Variants in RIMBP2 observed in about 807,000 individuals in gnomAD.
RIMBP2 encodes RIMS binding protein 2.
RIMBP2 carries 48 observed loss-of-function variants against 118.6 expected under a neutral mutation model. The ratio of observed to expected loss-of-function variants is 0.40; its 90% CI spans 0.32 to 0.51. RIMBP2 has a LOEUF of 0.51. Ranked by LOEUF, RIMBP2 falls within the 20% of genes least tolerant of loss-of-function variation. The pLI, the probability that RIMBP2 is intolerant of heterozygous loss-of-function variation, is 0.41. For missense variants in RIMBP2, 1,551 were observed against 1,768.3 expected (o/e 0.88, Z 2.20); for synonymous variants, 762 against 742.9 (o/e 1.03, Z -0.42).
rs55814306 is a variant in RIMBP2 at position 130,703,650 on chromosome 12, C to T, written c.-352+12572G>A. ...GGGGCCACCGCCTAACCCTGATTAG[C>T]GCTCTACATCACCCACCGCTCAGCC... On this transcript the variant is annotated intron_variant, in intron 1 of 22. Transcript: ENST00000690449. The surrounding 1 kb of genome is among the most constrained non-coding windows in gnomAD (Gnocchi z 5.7). 5.1e-4 allele frequency among the ~76,000 whole-genome samples: 77 copies of T among 152,308 alleles called. No homozygotes were observed. Among genetic ancestry groups the T allele is most frequent in the African/African-American group, 1.8e-3 (74 of 41,566 alleles).
rs1338587359 is a variant in RIMBP2 at position 130,450,320 on chromosome 12, T to A, written c.505-44A>T. On this transcript the variant is annotated intron_variant, in intron 8 of 22. Transcript: ENST00000690449. The surrounding 1 kb of genome is among the most constrained non-coding windows in gnomAD (Gnocchi z 4.8). ...GTGTGTGGGTTATTGAAGCTGGAGG[T>A]GTCCCACCCCATTCCCGCGGCACAC... 6.9e-7 allele frequency: 1 copy of A among 1,445,256 alleles called. No homozygotes were observed. Among genetic ancestry groups the A allele is most frequent in the African/African-American group, 1.4e-5 (1 of 71,082 alleles). 89.5% of individuals were successfully genotyped at this position (1,445,256 alleles called of 1,614,324 possible). A position where few individuals can be genotyped will look rare whatever the true frequency, so the allele number is the denominator to read the frequency against.
At chr12:130,481,664 C>T (rs1194244869) in intron 4 of RIMBP2, among the ~76,000 whole-genome samples, 1 of 152,216 alleles carries the variant, frequency 6.6e-6, no homozygotes, top group African/African-American at 2.4e-5. Flanking sequence ...ACACGGGTGT[C>T]GCGGTCAGTG....
intron 2 of RIMBP2, among the ~76,000 whole-genome samples, chr12:130,600,199 G>C (rs894881969): frequency 1.3e-5 from 2 of 152,174 alleles, no homozygotes; most frequent in African/African-American, 4.8e-5. Flanking sequence ...GACAGAGCAG[G>C]AGCACTGCCA....
intron 6 of RIMBP2, among the ~76,000 whole-genome samples, chr12:130,461,952 T>G (rs2080032591): frequency 4.1e-5 from 1 of 24,130 alleles, no homozygotes; most frequent in Non-Finnish European, 1.9e-4. Flanking sequence ...CCAGGGAATT[T>G]TCAATTCACC....
chr12:130,596,163 G>C (rs2059548472), intron 2 of RIMBP2, among the ~76,000 whole-genome samples: 1 of 152,084 alleles, frequency 6.6e-6, no homozygotes, highest in Non-Finnish European at 1.5e-5. Flanking sequence ...CTAATCAGCT[G>C]ATTTTGTTCT....
At chr12:130,480,193 T>C (rs904034000) in intron 4 of RIMBP2, among the ~76,000 whole-genome samples, 60 of 91,200 alleles carry the variant, frequency 6.6e-4, no homozygotes, top group African/African-American at 2.4e-3. Flanking sequence ...TGTCATTTCC[T>C]TTCATACACA....
At position 130,419,495 on chromosome 12, in the gene RIMBP2, A is replaced by T. The variant is rs2076292166; in HGVS notation, c.3238+2958T>A. On this transcript the variant is annotated intron_variant, in intron 17 of 22. Coordinates refer to ENST00000690449, the MANE Select transcript of RIMBP2 (RefSeq NM_001393629.1). This position sits in a 1 kb window ranked among gnomAD's most constrained non-coding sequence, Gnocchi z 4.3. ...CTACTGTCCGTTGTAATTTCTATGG[A>T]GATAAAGGGAATCATCTATTAAACA... 6.6e-6 allele frequency: 1 copy of T among 152,234 alleles called. No individual in the cohort carries two copies. Among genetic ancestry groups the T allele is most frequent in the Non-Finnish European group, 1.5e-5 (1 of 68,048 alleles). 9.4% of individuals were successfully genotyped at this position (152,234 alleles called of 1,614,324 possible). A position where few individuals can be genotyped will look rare whatever the true frequency, so the allele number is the denominator to read the frequency against.
intron 3 of RIMBP2, among the ~76,000 whole-genome samples, chr12:130,515,009 T>G (rs1215730839): frequency 6.6e-6 from 1 of 152,100 alleles, no homozygotes; most frequent in Non-Finnish European, 1.5e-5. Context: ...CCAGAGTAGC[T>G]GGGACTACAG....
Position 130,624,239 on chromosome 12 carries a change from T to C in RIMBP2, c.-217+4083A>G, listed in dbSNP as rs574635540. Among the ~76,000 whole-genome samples the C allele has an allele frequency of 8.5e-5, 13 of 152,348 alleles. No individual in the cohort carries two copies. The East Asian group carries it at 2.5e-3, about 29-fold the overall frequency. On this transcript the variant is annotated intron_variant, in intron 2 of 22. Coordinates refer to ENST00000690449, the MANE Select transcript of RIMBP2 (RefSeq NM_001393629.1). The stretch of plus-strand genomic sequence containing the variant: ...TTTCTTTAAAGCACATACAAAATTA[T>C]AGGACAGAGTTTCACATATGTTTGG...
intron 1 of RIMBP2, among the ~76,000 whole-genome samples, chr12:130,633,321 TTGAA>T (rs1164560848): frequency 6.6e-6 from 1 of 152,200 alleles, no homozygotes; most frequent in East Asian, 1.9e-4. Flanking sequence ...TTTCACAACT[TTGAA>T]TGGATGCTGT....
intron 1 of RIMBP2, among the ~76,000 whole-genome samples, chr12:130,646,406 T>TCCCTCACCACCTCCCTCA (rs2062962498): frequency 9.4e-5 from 1 of 10,606 alleles, no homozygotes; most frequent in Non-Finnish European, 1.7e-4. Flanking sequence ...CACCTGCCTC[T>TCCCTCACCACCTCCCTCA]CCACCTCCCT....
Position 130,535,236 on chromosome 12 carries a change from C to T in RIMBP2, c.-216-17319G>A, listed in dbSNP as rs554211011. Among the ~76,000 whole-genome samples the T allele has an allele frequency of 3.3e-3, 508 of 152,144 alleles. 5 individuals are homozygous for T. Among genetic ancestry groups the T allele is most frequent in the African/African-American group, 0.011 (470 of 41,484 alleles). On this transcript the variant is annotated intron_variant, in intron 2 of 22. Transcript: ENST00000690449. Reference sequence around the variant, plus strand: ...TTAATCAGCTGGGTGCAGTGGCTCACGCTCCTAATCCCAGTGCTTTGGGAG... The same window carrying T: ...TTAATCAGCTGGGTGCAGTGGCTCATGCTCCTAATCCCAGTGCTTTGGGAG...
chr12:130,398,117 AT>A (rs1292863645), intron 22 of RIMBP2: 2 of 152,580 alleles, frequency 1.3e-5, no homozygotes, highest in Non-Finnish European at 2.9e-5. Flanking sequence ...TGCTTGCATT[AT>A]TTCCAAATAA....
chr12:130,409,407 A>G (rs1022764591), intron 19 of RIMBP2, among the ~76,000 whole-genome samples: 9 of 128,568 alleles, frequency 7.0e-5, no homozygotes, highest in African/African-American at 2.1e-4. Flanking sequence ...CAGTGGCGCG[A>G]TCCCGGCTCA....
intron 1 of RIMBP2, among the ~76,000 whole-genome samples, chr12:130,674,997 C>T (rs1001126944): frequency 4.6e-5 from 7 of 152,182 alleles, no homozygotes; most frequent in East Asian, 1.9e-4. Flanking sequence ...ATTCACGTTT[C>T]GTTTATCTGC....
At chr12:130,652,405 A>G (rs549916676) in intron 1 of RIMBP2, among the ~76,000 whole-genome samples, 7 of 152,244 alleles carry the variant, frequency 4.6e-5, no homozygotes, top group Non-Finnish European at 8.8e-5. Context: ...GCCAACCCTT[A>G]GAATGTAAGA....
intron 2 of RIMBP2, among the ~76,000 whole-genome samples, chr12:130,531,934 T>C (rs1593675583): frequency 1.4e-5 from 2 of 141,242 alleles, no homozygotes; most frequent in Admixed American, 7.1e-5. Flanking sequence ...GATGCGTATG[T>C]TTAGCCTCTA....
At chr12:130,402,163 G>A (rs2136295067) in intron 21 of RIMBP2, among the ~76,000 whole-genome samples, 1 of 152,308 alleles carries the variant, frequency 6.6e-6, no homozygotes, top group East Asian at 1.9e-4. Context: ...TGCGTCCAAA[G>A]TGACGACGGG....
At chr12:130,602,211 C>T (rs2059918821) in intron 2 of RIMBP2, among the ~76,000 whole-genome samples, 2 of 152,216 alleles carry the variant, frequency 1.3e-5, no homozygotes, top group Admixed American at 1.3e-4. Context: ...AACATTAACC[C>T]ATTAACCCTC....
Sources: allele counts gnomAD v4.1 joint callset (sites outside exome capture counted in the v4.1 genomes callset), GRCh38; gene constraint gnomAD v4.1.1; non-coding constraint Gnocchi (gnomAD v3.1); transcripts MANE v1.5; gene names NCBI Gene and HGNC (gene_info 2026-07-23, HGNC 2026-07-21).